Variants in SNTG2 observed in about 807,000 individuals in gnomAD.
SNTG2 encodes the protein gamma-2-syntrophin.
In SNTG2, 74 loss-of-function variants were observed where a neutral mutation model predicts 70.9. The ratio of observed to expected loss-of-function variants is 1.04; its 90% CI spans 0.86 to 1.27. The LOEUF is 1.27. Ranked by LOEUF, SNTG2 falls within the 50% of genes most tolerant of loss-of-function variation. The pLI, the probability that SNTG2 is intolerant of heterozygous loss-of-function variation, is 0.00. For synonymous variants in SNTG2, 278 were observed against 273.8 expected, an observed-to-expected ratio of 1.02 and a Z score of -0.15; for missense variants, 717 against 690.7, an observed-to-expected ratio of 1.04 and a Z score of -0.43.
chr2:1,098,413 A>G lies in SNTG2; in HGVS notation c.325+3A>G. ...AAAAATATTCGAAGACCAAGCAGGTAAAAACAGCCAAAATGACCTGTGTAT... is the reference window on the plus strand; with the variant it reads ...AAAAATATTCGAAGACCAAGCAGGTGAAAACAGCCAAAATGACCTGTGTAT... On this transcript the variant is annotated splice_donor_region_variant and intron_variant, in intron 4 of 16. Coordinates refer to ENST00000308624, the MANE Select transcript of SNTG2 (RefSeq NM_018968.4). 2 of 1,613,962 alleles carry G rather than the reference A, an allele frequency of 1.2e-6. No individual in the cohort carries two copies. The highest frequency in any genetic ancestry group is 1.1e-5 in the South Asian group (1 of 91,080).
chr2:1,353,081 T>C lies in SNTG2; in HGVS notation c.1489-14262T>C, dbSNP rs1369789726. ...GCTCACCCCCACCCAGAAATCCACA[T>C]GGTGCATTTTCGGAAAACTTTCCAG... On this transcript the variant is annotated intron_variant, in intron 16 of 16. Coordinates refer to ENST00000308624, the MANE Select transcript of SNTG2 (RefSeq NM_018968.4). This position sits in a 1 kb window ranked among gnomAD's most constrained non-coding sequence, Gnocchi z 4.2. 6.6e-6 allele frequency among the ~76,000 whole-genome samples: 1 copy of C among 152,074 alleles called. No homozygotes were observed. Among genetic ancestry groups the C allele is most frequent in the Non-Finnish European group, 1.5e-5 (1 of 68,018 alleles).
At chr2:1,229,277 C>G (rs1676020654) in intron 9 of SNTG2, among the ~76,000 whole-genome samples, 1 of 150,082 alleles carries the variant, frequency 6.7e-6, no homozygotes, top group African/African-American at 2.5e-5. Flanking sequence ...AATCCCTGAG[C>G]TAGATACAAA....
intron 1 of SNTG2, among the ~76,000 whole-genome samples, chr2:1,030,590 A>T (rs1660760725): frequency 1.3e-5 from 2 of 152,190 alleles, no homozygotes; most frequent in Non-Finnish European, 2.9e-5. Context: ...GCCTTTTCTC[A>T]GTCATAAACC....
At chr2:1,054,406 AG>A (rs1465090843) in intron 1 of SNTG2, among the ~76,000 whole-genome samples, 1 of 152,112 alleles carries the variant, frequency 6.6e-6, no homozygotes, top group Admixed American at 6.5e-5. Context: ...AACTCTAATG[AG>A]GGGTTTACGT....
At chr2:1,162,497 C>T (rs964442896) in intron 6 of SNTG2, among the ~76,000 whole-genome samples, 2 of 152,144 alleles carry the variant, frequency 1.3e-5, no homozygotes, top group Non-Finnish European at 2.9e-5. Context: ...CTGCACTGAG[C>T]TCCCGGGACA....
chr2:1,043,565 A>G lies in SNTG2; in HGVS notation c.73-39953A>G, dbSNP rs13402086. Among the ~76,000 whole-genome samples, 1,038 of 152,210 alleles carry G rather than the reference A, an allele frequency of 6.8e-3. 11 individuals carry two copies. Among genetic ancestry groups the G allele is most frequent in the African/African-American group, 0.024 (981 of 41,536 alleles). ...TAGTTTTTTTTACATTTAAGTCTTT[A>G]ATCCATCTTAAGTTGATTTTTGTAT... is the stretch of plus-strand genomic sequence containing the variant. On this transcript the variant is annotated intron_variant, in intron 1 of 16. Transcript: ENST00000308624.
intron 16 of SNTG2, among the ~76,000 whole-genome samples, chr2:1,342,022 C>A (rs942836364): frequency 4.6e-5 from 7 of 152,036 alleles, no homozygotes; most frequent in Non-Finnish European, 8.8e-5. Context: ...GTTTTATTTT[C>A]TTTTAATGAA....
At chr2:1,302,820 C>A (rs997623805) in intron 14 of SNTG2, among the ~76,000 whole-genome samples, 2 of 151,900 alleles carry the variant, frequency 1.3e-5, no homozygotes, top group Admixed American at 1.3e-4. Context: ...TAACCTTGAT[C>A]AAAGGAAAGC....
intron 4 of SNTG2, among the ~76,000 whole-genome samples, chr2:1,113,306 AG>A (rs1666648961): frequency 6.6e-6 from 1 of 152,034 alleles, no homozygotes; most frequent in East Asian, 1.9e-4. Context: ...GTACTAAGTG[AG>A]GTTTAACCCT....
chr2:1,126,358 C>T (rs1241369362), intron 4 of SNTG2, among the ~76,000 whole-genome samples: 1 of 152,238 alleles, frequency 6.6e-6, no homozygotes, highest in African/African-American at 2.4e-5. Context: ...TGTGTATATA[C>T]ACCACGTTGT....
chr2:1,056,410 GA>G (rs1662416196), intron 1 of SNTG2, among the ~76,000 whole-genome samples: 2 of 25,882 alleles, frequency 7.7e-5, no homozygotes, highest in East Asian at 3.6e-3. Flanking sequence ...GAGGGAGGGA[GA>G]GCGCAGCGCC....
intron 15 of SNTG2, 55 bp from the exon 16 acceptor site, chr2:1,316,210 A>G: frequency 1.2e-6 from 1 of 845,352 alleles, no homozygotes; most frequent in Middle Eastern, 2.3e-4. Context: ...ACAGATGCTA[A>G]TTAAATAAAT....
intron 13 of SNTG2, 35 bp downstream of exon 13, chr2:1,259,476 A>T (rs1042172796): frequency 1.9e-6 from 3 of 1,539,670 alleles, no homozygotes; most frequent in African/African-American, 1.4e-5. Flanking sequence ...GCTTTCATAC[A>T]AATAAGATGC....
At chr2:1,187,580 C>T (rs780659851) in intron 8 of SNTG2, among the ~76,000 whole-genome samples, 1 of 152,194 alleles carries the variant, frequency 6.6e-6, no homozygotes, top group Admixed American at 6.5e-5. Context: ...CACACAAACA[C>T]ACACACCCCT....
intron 1 of SNTG2, among the ~76,000 whole-genome samples, chr2:1,028,082 A>G (rs1660590114): frequency 6.6e-6 from 1 of 151,284 alleles, no homozygotes; most frequent in East Asian, 2.0e-4. Flanking sequence ...GGTGCCTCTG[A>G]CCCACAGGCA....
At chr2:1,019,056 G>A (rs1435273045) in intron 1 of SNTG2, among the ~76,000 whole-genome samples, 1 of 152,244 alleles carries the variant, frequency 6.6e-6, no homozygotes, top group Non-Finnish European at 1.5e-5. Flanking sequence ...CCTGGCATCA[G>A]CTCTTCGAGC....
At chr2:1,063,163 C>G (rs1356007140) in intron 1 of SNTG2, among the ~76,000 whole-genome samples, 6 of 152,144 alleles carry the variant, frequency 3.9e-5, no homozygotes, top group Non-Finnish European at 5.9e-5. Flanking sequence ...CAAGAGCTTT[C>G]TAAAAAAGAA....
intron 14 of SNTG2, among the ~76,000 whole-genome samples, chr2:1,275,556 A>C (rs1679232844): frequency 6.6e-6 from 1 of 152,188 alleles, no homozygotes; most frequent in South Asian, 2.1e-4. Context: ...TTAATCAGTC[A>C]CTGCTATGTG....
chr2:1,168,535 T>A (rs989748295), intron 7 of SNTG2, among the ~76,000 whole-genome samples: 8 of 152,212 alleles, frequency 5.3e-5, no homozygotes, highest in African/African-American at 1.4e-4. Flanking sequence ...AGTGAACTTT[T>A]CCTGTTTCAG....
Sources: allele counts gnomAD v4.1 joint callset (sites outside exome capture counted in the v4.1 genomes callset), GRCh38; gene constraint gnomAD v4.1.1; non-coding constraint Gnocchi (gnomAD v3.1); transcripts MANE v1.5; gene names NCBI Gene and HGNC (gene_info 2026-07-23, HGNC 2026-07-21).